The following AMMECR1 variants were observed in gnomAD, a reference collection of about 807,000 sequenced individuals.
AMMECR1 encodes the protein nuclear protein AMMECR1.
Under a neutral mutation model 22.5 loss-of-function variants are expected in AMMECR1, and 3 were observed. The observed-to-expected ratio is 0.13, with a 90% CI of 0.06 to 0.35. The LOEUF is 0.35. Ranked by LOEUF, AMMECR1 falls within the 10% of genes least tolerant of loss-of-function variation. The probability of loss-of-function intolerance (pLI) is 1.00; values close to 1 mark genes in which losing one functional copy is unlikely to be tolerated. For synonymous variants in AMMECR1, 130 were observed against 116.7 expected (o/e 1.11, Z -0.74); for missense variants, 235 against 278.7 (o/e 0.84, Z 1.12).
At position 110,195,127 on chromosome X, in the gene AMMECR1, C is replaced by T. The variant is rs1290646304; in HGVS notation, c.*3393G>A. On this transcript the variant is annotated 3_prime_UTR_variant, in exon 6 of 6. Transcript: ENST00000262844. ...CACACATAAGAGATGGAACCTATTC[C>T]AGATGACAGTTTCAAATTTCCTGCA... 1 of 112,278 alleles carries T rather than the reference C, an allele frequency of 8.9e-6. No homozygotes were observed. Among genetic ancestry groups the T allele is most frequent in the Non-Finnish European group, 1.9e-5 (1 of 53,245 alleles). The allele number at this position is 112,278 out of a possible 1,213,427, so 9.3% of individuals were successfully genotyped here.
At chrX:110,393,336 G>C (rs755009893) in intron 2 of AMMECR1, among the ~76,000 whole-genome samples, 9 of 112,241 alleles carry the variant, frequency 8.0e-5, no homozygotes, top group African/African-American at 2.6e-4. Context: ...GCAGACACTA[G>C]TTGATCATTA....
At chrX:110,285,145 T>C (rs950880660) in intron 1 of AMMECR1, among the ~76,000 whole-genome samples, 4 of 112,073 alleles carry the variant, frequency 3.6e-5, no homozygotes, top group Non-Finnish European at 7.5e-5. Flanking sequence ...ATATCCACAG[T>C]GCTTAGAACG....
chrX:110,244,943 T>C lies in AMMECR1; in HGVS notation c.584+19546A>G, dbSNP rs187218150. Among the ~76,000 whole-genome samples, 189 of 112,294 alleles carry C rather than the reference T, an allele frequency of 1.7e-3. 1 individual carries two copies. The highest frequency in any genetic ancestry group is 5.9e-3 in the African/African-American group (181 of 30,936). On this transcript the variant is annotated intron_variant, in intron 2 of 5. Coordinates refer to ENST00000262844, the MANE Select transcript of AMMECR1 (RefSeq NM_015365.3). ...ATATAGAACAGCAAGAACACTCAAATCTGTAGGACATAATGCCAGTGAAAA... is the reference window on the plus strand; with the variant it reads ...ATATAGAACAGCAAGAACACTCAAACCTGTAGGACATAATGCCAGTGAAAA...
intron 2 of AMMECR1, among the ~76,000 whole-genome samples, chrX:110,382,617 T>C (rs1255182843): frequency 9.0e-6 from 1 of 111,279 alleles, no homozygotes. Flanking sequence ...AGTAGATGAG[T>C]TGTAAACAAG....
chrX:110,216,481 C>T, intron 3 of AMMECR1, 37 bp downstream of exon 3: 2 of 1,028,245 alleles, frequency 1.9e-6, no homozygotes, highest in Non-Finnish European at 1.4e-6. Context: ...TCAAGAGTTA[C>T]CTTCATTTTT....
intron 2 of AMMECR1, among the ~76,000 whole-genome samples, chrX:110,381,633 C>A (rs1431147649): frequency 9.0e-6 from 1 of 111,592 alleles, no homozygotes; most frequent in East Asian, 2.8e-4. Flanking sequence ...GTATGTTCAT[C>A]GCAGCACTAT....
chrX:110,418,544 G>C (rs2068694549), intron 2 of AMMECR1, among the ~76,000 whole-genome samples: 1 of 111,833 alleles, frequency 8.9e-6, no homozygotes, highest in African/African-American at 3.3e-5. Flanking sequence ...ACATGAACGA[G>C]AGGAAGGCCG....
intron 1 of AMMECR1, among the ~76,000 whole-genome samples, chrX:110,437,773 C>G (rs1158050872): frequency 9.0e-6 from 1 of 111,499 alleles, no homozygotes; most frequent in East Asian, 2.8e-4. Flanking sequence ...CCTACTCTCT[C>G]TGGGCTGAAG....
intron 2 of AMMECR1, among the ~76,000 whole-genome samples, chrX:110,412,362 C>T (rs1298623102): frequency 1.8e-5 from 2 of 112,038 alleles, no homozygotes; most frequent in African/African-American, 3.2e-5. Flanking sequence ...ACTAAATGAC[C>T]TCGGTGAAGG....
chrX:110,344,880 C>T lies in AMMECR1; in HGVS notation c.-147-27031G>A, dbSNP rs1175427707. On this transcript the variant is annotated intron_variant, in intron 2 of 7. Transcript: ENST00000372057. ...GAGAGGATGTGGAGAAATAGGAATG[C>T]TTTTACACTGTTGGTGGGACTGTAA... is the stretch of plus-strand genomic sequence containing the variant. 2.7e-5 allele frequency among the ~76,000 whole-genome samples: 3 copies of T among 112,075 alleles called. No homozygotes were observed. In the East Asian group the frequency reaches 8.4e-4, roughly 31 times the overall value.
At chrX:110,215,019 C>A (rs2067466619) in intron 3 of AMMECR1, among the ~76,000 whole-genome samples, 1 of 111,562 alleles carries the variant, frequency 9.0e-6, no homozygotes, top group Non-Finnish European at 1.9e-5. Context: ...AGGAATATTT[C>A]CATAATATTT....
chrX:110,246,136 T>C (rs1005417065), intron 2 of AMMECR1, among the ~76,000 whole-genome samples: 1 of 112,037 alleles, frequency 8.9e-6, no homozygotes, highest in Admixed American at 9.4e-5. Context: ...GATTCTTCCA[T>C]GGGAGCACAT....
At chrX:110,279,096 A>C (rs1159629822) in intron 1 of AMMECR1, among the ~76,000 whole-genome samples, 1 of 112,011 alleles carries the variant, frequency 8.9e-6, no homozygotes, top group Non-Finnish European at 1.9e-5. Flanking sequence ...ATACTAACCA[A>C]ATATCCAGCT....
At chrX:110,210,031 G>C (rs1453880942) in intron 3 of AMMECR1, among the ~76,000 whole-genome samples, 2 of 111,114 alleles carry the variant, frequency 1.8e-5, no homozygotes, top group South Asian at 3.8e-4. Flanking sequence ...GAGACAACTT[G>C]AGGCGGCCTG....
intron 2 of AMMECR1, among the ~76,000 whole-genome samples, chrX:110,325,943 C>T (rs1361651420): frequency 5.4e-5 from 6 of 111,265 alleles, no homozygotes; most frequent in African/African-American, 9.8e-5. Flanking sequence ...AGCTGCATTC[C>T]GTAAGTTTCT....
chrX:110,341,582 A>G (rs1316041917), intron 2 of AMMECR1, among the ~76,000 whole-genome samples: 3 of 112,212 alleles, frequency 2.7e-5, no homozygotes, highest in Non-Finnish European at 3.8e-5. Context: ...TGTCAGGGTA[A>G]CCACGCAGTC....
chrX:110,235,049 C>T (rs1327284403), intron 2 of AMMECR1, among the ~76,000 whole-genome samples: 8 of 112,048 alleles, frequency 7.1e-5, no homozygotes, highest in Non-Finnish European at 3.8e-5. Context: ...AGGCAACCTA[C>T]AGAATGGGAG....
chrX:110,347,405 C>T lies in AMMECR1; in HGVS notation c.-147-29556G>A, dbSNP rs756408924. Among the ~76,000 whole-genome samples, 11 of 113,028 alleles carry T rather than the reference C, an allele frequency of 9.7e-5. No homozygotes were observed. In the East Asian group the frequency reaches 2.8e-3, roughly 28 times the overall value. On this transcript the variant is annotated intron_variant, in intron 2 of 7. Transcript: ENST00000372057. The stretch of plus-strand genomic sequence containing the variant: ...ATGGTGAACCTCAGGATAATTGTAG[C>T]CACCTTAGAGGGTTGCAGATTTTGG...
intron 2 of AMMECR1, among the ~76,000 whole-genome samples, chrX:110,350,317 C>A (rs1031136582): frequency 9.0e-6 from 1 of 111,450 alleles, no homozygotes; most frequent in Non-Finnish European, 1.9e-5. Context: ...ATAAAAAGCA[C>A]CTATAGAGAC....
Sources: allele counts gnomAD v4.1 joint callset (sites outside exome capture counted in the v4.1 genomes callset), GRCh38; gene constraint gnomAD v4.1.1; transcripts MANE v1.5; gene names NCBI Gene and HGNC (gene_info 2026-07-23, HGNC 2026-07-21).